Variants in TMEM132D observed in about 807,000 individuals in gnomAD.
TMEM132D encodes transmembrane protein 132D, also known as mature OL transmembrane protein.
TMEM132D carries 21 observed loss-of-function variants against 62.3 expected under a neutral mutation model. That is an observed-to-expected ratio of 0.34 (90% CI 0.24 to 0.49). The LOEUF (loss-of-function observed/expected upper bound fraction) is 0.49. Ranked by LOEUF, TMEM132D falls within the 20% of genes least tolerant of loss-of-function variation. The pLI, the probability that TMEM132D is intolerant of heterozygous loss-of-function variation, is 0.99. For missense variants in TMEM132D, 1,346 were observed against 1,402.8 expected (o/e 0.96, Z 0.65); for synonymous variants, 621 against 575.6 (o/e 1.08, Z -1.13).
At chr12:129,141,857 A>G (rs7315040) in intron 5 of TMEM132D, among the ~76,000 whole-genome samples, 92,757 of 151,350 alleles carry the variant, frequency 0.61, 29,339 homozygotes, top group Non-Finnish European at 0.69. Context: ...CGTACCCTAA[A>G]CCTCAGTATC....
rs780257014 is a variant in TMEM132D, at chr12:129,895,175, AC to A, written c.79+8085del. On this transcript the variant is annotated intron_variant, in intron 1 of 8. Coordinates refer to ENST00000422113, the MANE Select transcript of TMEM132D (RefSeq NM_133448.3). Reference sequence around the variant, plus strand: ...TGCTGGGAATCCACCAAAGCATAGCACCCCCCAGGTACACGTCACCGTTGTG... The same window carrying A: ...TGCTGGGAATCCACCAAAGCATAGCACCCCCAGGTACACGTCACCGTTGTG... 1.1e-4 allele frequency among the ~76,000 whole-genome samples: 17 copies of A among 152,048 alleles called. No homozygotes were observed. In the East Asian group the frequency reaches 2.7e-3, roughly 24 times the overall value.
intron 5 of TMEM132D, among the ~76,000 whole-genome samples, chr12:129,087,875 G>A (rs1874675948): frequency 7.4e-6 from 1 of 135,648 alleles, no homozygotes; most frequent in Non-Finnish European, 1.6e-5. Context: ...CCATGACCGG[G>A]TGTCCTCCCT....
chr12:129,425,205 A>G (rs1282440341), intron 3 of TMEM132D, among the ~76,000 whole-genome samples: 2 of 152,208 alleles, frequency 1.3e-5, no homozygotes, highest in East Asian at 1.9e-4. Context: ...TAATGGTGCT[A>G]AGGACGTTCA....
chr12:129,898,793 G>A (rs1417169794), intron 1 of TMEM132D, among the ~76,000 whole-genome samples: 2 of 152,194 alleles, frequency 1.3e-5, no homozygotes, highest in Admixed American at 6.5e-5. Context: ...TCCTCACTAC[G>A]GTACTCCCTG....
At chr12:129,153,333 G>A (rs1877133913) in intron 5 of TMEM132D, among the ~76,000 whole-genome samples, 1 of 152,154 alleles carries the variant, frequency 6.6e-6, no homozygotes, top group Non-Finnish European at 1.5e-5. Flanking sequence ...GAATTTAAAT[G>A]TGGTGTTGGC....
chr12:129,763,850 G>A lies in TMEM132D; in HGVS notation c.80-63152C>T, dbSNP rs77661200. On this transcript the variant is annotated intron_variant, in intron 1 of 8. Transcript: ENST00000422113. ...ATGAATGAAAAAGTCAGCCGCAGGTGGAACGTAAGTGCTCAGGTAAAGGAA... is the reference window on the plus strand; with the variant it reads ...ATGAATGAAAAAGTCAGCCGCAGGTAGAACGTAAGTGCTCAGGTAAAGGAA... Among the ~76,000 whole-genome samples, 1,028 of 152,214 alleles carry A rather than the reference G, an allele frequency of 6.8e-3. 13 individuals are homozygous for A. The highest frequency in any genetic ancestry group is 0.024 in the African/African-American group (981 of 41,526).
chr12:129,508,802 G>C (rs1875417691), intron 3 of TMEM132D, among the ~76,000 whole-genome samples: 1 of 152,106 alleles, frequency 6.6e-6, no homozygotes, highest in Non-Finnish European at 1.5e-5. Context: ...CTGGGTCTAA[G>C]GGGGATACGC....
chr12:129,726,412 A>G (rs1453903929), intron 1 of TMEM132D, among the ~76,000 whole-genome samples: 1 of 152,154 alleles, frequency 6.6e-6, no homozygotes, highest in East Asian at 1.9e-4. Context: ...TTGGGGGAAC[A>G]GCAAGAGCAA....
At chr12:129,834,105 C>T (rs1593180393) in intron 1 of TMEM132D, among the ~76,000 whole-genome samples, 1 of 152,108 alleles carries the variant, frequency 6.6e-6, no homozygotes, top group East Asian at 1.9e-4. Context: ...ACCGAGTGGC[C>T]CAGACTTGAA....
chr12:129,143,263 CACTT>C (rs944510680), intron 5 of TMEM132D, among the ~76,000 whole-genome samples: 37 of 152,234 alleles, frequency 2.4e-4, no homozygotes, highest in African/African-American at 7.7e-4. Flanking sequence ...CTCAGGGAAA[CACTT>C]ACTTACATTT....
intron 3 of TMEM132D, among the ~76,000 whole-genome samples, chr12:129,457,526 G>C (rs1240148486): frequency 6.6e-6 from 1 of 151,206 alleles, no homozygotes; most frequent in African/African-American, 2.4e-5. Context: ...CACCAACATG[G>C]CACATGTATA....
chr12:129,541,928 A>C (rs925336515), intron 2 of TMEM132D, among the ~76,000 whole-genome samples: 9 of 152,344 alleles, frequency 5.9e-5, no homozygotes, highest in African/African-American at 2.2e-4. Context: ...CTCTTCTTAA[A>C]AACAAAGCCC....
At chr12:129,785,610 T>C (rs1871230415) in intron 1 of TMEM132D, among the ~76,000 whole-genome samples, 1 of 152,186 alleles carries the variant, frequency 6.6e-6, no homozygotes, top group Admixed American at 6.5e-5. Flanking sequence ...TTTCTTCATG[T>C]GGTGTTTGTG....
intron 4 of TMEM132D, among the ~76,000 whole-genome samples, chr12:129,258,424 G>A (rs1880466556): frequency 6.6e-6 from 1 of 152,150 alleles, no homozygotes; most frequent in African/African-American, 2.4e-5. Flanking sequence ...TCCAGTCTAT[G>A]CCTAGAAGTT....
At chr12:129,654,392 T>C (rs1440332342) in intron 2 of TMEM132D, among the ~76,000 whole-genome samples, 2 of 151,962 alleles carry the variant, frequency 1.3e-5, no homozygotes, top group Non-Finnish European at 2.9e-5. Flanking sequence ...TTTTTCCTAA[T>C]CACTCTTCTC....
chr12:129,438,791 TA>T (rs1427571222), intron 3 of TMEM132D, among the ~76,000 whole-genome samples: 1 of 152,156 alleles, frequency 6.6e-6, no homozygotes, highest in Non-Finnish European at 1.5e-5. Context: ...TGAGTAATTT[TA>T]AAAAATATCC....
intron 1 of TMEM132D, among the ~76,000 whole-genome samples, chr12:129,896,723 T>C (rs1222503416): frequency 1.3e-5 from 2 of 152,232 alleles, no homozygotes; most frequent in Non-Finnish European, 2.9e-5. Context: ...TTTATTTATA[T>C]ACTTTACTTA....
intron 2 of TMEM132D, among the ~76,000 whole-genome samples, chr12:129,626,346 T>C (rs1219136752): frequency 6.6e-6 from 1 of 152,242 alleles, no homozygotes; most frequent in East Asian, 1.9e-4. Flanking sequence ...TTTAGGAATA[T>C]AAATACTTAA....
chr12:129,897,571 TA>T (rs531129067), intron 1 of TMEM132D, among the ~76,000 whole-genome samples: 1 of 151,320 alleles, frequency 6.6e-6, no homozygotes, highest in Non-Finnish European at 1.5e-5. Context: ...AAAATAAAAA[TA>T]AAAAAAACAA....
Sources: allele counts gnomAD v4.1 joint callset (sites outside exome capture counted in the v4.1 genomes callset), GRCh38; gene constraint gnomAD v4.1.1; transcripts MANE v1.5; gene names NCBI Gene and HGNC (gene_info 2026-07-23, HGNC 2026-07-21).